Variants in MYO1H observed in about 807,000 individuals in gnomAD.
MYO1H encodes the protein myosin IH.
In MYO1H, 118 loss-of-function variants were observed where a neutral mutation model predicts 149.3. The observed-to-expected ratio is 0.79, with a 90% CI of 0.68 to 0.92. The LOEUF is 0.92. MYO1H is among the 40% of genes least tolerant of loss of function. MYO1H has a pLI of 0.00. For missense variants in MYO1H, 1,212 were observed against 1,280.7 expected (o/e 0.95, Z 0.82); for synonymous variants, 447 against 465.2 (o/e 0.96, Z 0.50).
In MYO1H at chr12:109,444,040, G is replaced by A. The variant is rs919915430; in HGVS notation, c.2825-173G>A. Among the ~76,000 whole-genome samples, 6 of 152,256 alleles carry A rather than the reference G, an allele frequency of 3.9e-5. No individual in the cohort carries two copies. In the South Asian group the frequency reaches 6.2e-4, roughly 16 times the overall value. ...AGGTTGGGCAATAGTCTGCTTCCAC[G>A]GTGATCAGAGCCCACTAGCAGGCTA... On this transcript the variant is annotated intron_variant, in intron 28 of 31. Transcript: ENST00000310903.
intron 28 of MYO1H, among the ~76,000 whole-genome samples, chr12:109,443,911 A>AC (rs1872361110): frequency 6.6e-6 from 1 of 151,804 alleles, no homozygotes; most frequent in Admixed American, 6.6e-5. Context: ...CAAAAAAAAA[A>AC]ACAAAAAACA....
At chr12:109,367,701 G>A (rs1208784533) in intron 1 of MYO1H, among the ~76,000 whole-genome samples, 4 of 151,440 alleles carry the variant, frequency 2.6e-5, no homozygotes, top group Non-Finnish European at 4.4e-5. Context: ...ACAGGCGCCC[G>A]CCACCACACC....
At chr12:109,412,983 A>G (rs12230492) in intron 14 of MYO1H, among the ~76,000 whole-genome samples, 57,052 of 135,392 alleles carry the variant, frequency 0.42, 11,293 homozygotes, top group African/African-American at 0.52. Context: ...TGTTGTTGTT[A>G]TTATTATTAT....
upstream of MYO1H, among the ~76,000 whole-genome samples, chr12:109,344,777 AC>A (rs1240064460): frequency 6.6e-6 from 1 of 152,240 alleles, no homozygotes; most frequent in Non-Finnish European, 1.5e-5. Flanking sequence ...ATAAAGACAG[AC>A]ATGTAGATCA....
At chr12:109,407,934 T>G (rs1038155282) in intron 10 of MYO1H, 21 bp downstream of exon 10, 10 of 1,612,152 alleles carry the variant, frequency 6.2e-6, no homozygotes, top group African/African-American at 1.4e-5. Context: ...GCATTTTGGA[T>G]CCCTTGCTCT....
At chr12:109,417,899 T>A (rs7138189) in intron 15 of MYO1H, among the ~76,000 whole-genome samples, 9 of 151,630 alleles carry the variant, frequency 5.9e-5, no homozygotes, top group Non-Finnish European at 1.3e-4. Flanking sequence ...CACTGCAAGC[T>A]CCGCCTCCCG....
the MYO1H span, among the ~76,000 whole-genome samples, chr12:109,341,194 A>C: frequency 6.8e-6 from 1 of 147,424 alleles, no homozygotes; most frequent in South Asian, 2.1e-4. Flanking sequence ...ATCTCGAAAA[A>C]AAAAAAAAAA....
At chr12:109,349,673 AAAAG>A (rs1357800373) in intron 1 of MYO1H, among the ~76,000 whole-genome samples, 3 of 151,614 alleles carry the variant, frequency 2.0e-5, no homozygotes, top group Non-Finnish European at 2.9e-5. Context: ...AAAAAAAAAA[AAAAG>A]AGGCCGGGTG....
the MYO1H span, among the ~76,000 whole-genome samples, chr12:109,337,708 A>G: frequency 2.6e-5 from 4 of 152,268 alleles, no homozygotes; most frequent in South Asian, 8.3e-4. Context: ...ACAATTCAAG[A>G]TGAGATTTGG....
In MYO1H at chr12:109,439,912, T is replaced by G. The variant is rs577828991; in HGVS notation, c.2454+122T>G. The G allele has an allele frequency of 8.2e-5, 68 of 828,190 alleles. No individual in the cohort carries two copies. The African/African-American group carries it at 1.1e-3, about 13-fold the overall frequency. 51.3% of individuals were successfully genotyped at this position (828,190 alleles called of 1,614,324 possible). ...AAGGGCTGCCCTGGCAAAGCCCTTCTTCCCAAGGATGCTGCACAAGAAATT... is the reference window on the plus strand; with the variant it reads ...AAGGGCTGCCCTGGCAAAGCCCTTCGTCCCAAGGATGCTGCACAAGAAATT... On this transcript the variant is annotated intron_variant, in intron 24 of 31. Transcript: ENST00000310903.
intron 19 of MYO1H, among the ~76,000 whole-genome samples, chr12:109,430,674 A>T (rs1341607626): frequency 6.6e-6 from 1 of 152,230 alleles, no homozygotes; most frequent in African/African-American, 2.4e-5. Context: ...CATGCCTGTA[A>T]TCCCAGCACT....
Position 109,406,989 on chromosome 12 carries a change from A to C in MYO1H, c.1035+129A>C. 9.4e-6 allele frequency: 7 copies of C among 748,146 alleles called. No homozygotes were observed. In the South Asian group the frequency reaches 1.2e-4, roughly 12 times the overall value. The allele number at this position is 748,146 out of a possible 1,614,324, so 46.3% of individuals were successfully genotyped here. A position where few individuals can be genotyped will look rare whatever the true frequency, so the allele number is the denominator to read the frequency against. On this transcript the variant is annotated intron_variant, in intron 9 of 31. Transcript: ENST00000310903. ...TAGCTCACCAGGCCCTGCGTGGTCCAGCTCCTGTGGAGTGTCCTGCCTCAT... is the reference window on the plus strand; with the variant it reads ...TAGCTCACCAGGCCCTGCGTGGTCCCGCTCCTGTGGAGTGTCCTGCCTCAT...
chr12:109,375,525 A>T (rs1050103532), intron 1 of MYO1H, among the ~76,000 whole-genome samples: 1 of 152,136 alleles, frequency 6.6e-6, no homozygotes, highest in Non-Finnish European at 1.5e-5. Flanking sequence ...GATTTTTCTT[A>T]TTCATTTCTA....
intron 1 of MYO1H, among the ~76,000 whole-genome samples, chr12:109,376,781 G>T (rs1869095930): frequency 6.6e-6 from 1 of 152,044 alleles, no homozygotes; most frequent in Non-Finnish European, 1.5e-5. Flanking sequence ...GGCTATTCTT[G>T]GTCCTTTGCA....
chr12:109,396,983 A>G (rs1869945459), intron 4 of MYO1H, among the ~76,000 whole-genome samples: 1 of 151,440 alleles, frequency 6.6e-6, no homozygotes, highest in Non-Finnish European at 1.5e-5. Context: ...ACGTACCATC[A>G]TTCCCAGCTA....
intron 19 of MYO1H, among the ~76,000 whole-genome samples, chr12:109,431,016 C>T (rs918531003): frequency 2.7e-5 from 4 of 150,614 alleles, no homozygotes; most frequent in African/African-American, 7.4e-5. Flanking sequence ...GATCGCACCA[C>T]TGCACTCCAG....
At position 109,427,453 on chromosome 12, in the gene MYO1H, T is replaced by TTC. The variant is rs1184247659; in HGVS notation, c.1832-14_1832-13dup. 2 of 1,539,872 alleles carry TTC rather than the reference T, an allele frequency of 1.3e-6. No individual in the cohort carries two copies. Among genetic ancestry groups the TTC allele is most frequent in the Admixed American group, 3.3e-5 (2 of 59,870 alleles). ...TGGGATCCTTTCCTGTCATTCTCTGTTCTATTTCTCCAAAGGCAAATTTGA... is the reference window on the plus strand; with the variant it reads ...TGGGATCCTTTCCTGTCATTCTCTGTTCTCTATTTCTCCAAAGGCAAATTTGA... On this transcript the variant is annotated splice_polypyrimidine_tract_variant and intron_variant, in intron 18 of 31. Coordinates refer to ENST00000310903, the Ensembl canonical transcript of MYO1H.
At chr12:109,390,670 T>G (rs570274410) in intron 2 of MYO1H, among the ~76,000 whole-genome samples, 41 of 151,928 alleles carry the variant, frequency 2.7e-4, no homozygotes, top group East Asian at 2.5e-3. Context: ...TTGTTTGTTT[T>G]TTTTTTCTTT....
At chr12:109,395,199 G>T (rs1869837232) in intron 3 of MYO1H, among the ~76,000 whole-genome samples, 1 of 152,118 alleles carries the variant, frequency 6.6e-6, no homozygotes, top group South Asian at 2.1e-4. Flanking sequence ...TTGTCCTAAA[G>T]ATATCACTGA....
Sources: allele counts gnomAD v4.1 joint callset (sites outside exome capture counted in the v4.1 genomes callset), GRCh38; gene constraint gnomAD v4.1.1; transcripts MANE v1.5; gene names NCBI Gene and HGNC (gene_info 2026-07-23, HGNC 2026-07-21).